The following PCM1 variants were observed in gnomAD, a reference collection of about 807,000 sequenced individuals.
The protein encoded by PCM1 is pericentriolar material 1 protein.
PCM1 carries 157 observed loss-of-function variants against 241.9 expected under a neutral mutation model. The ratio of observed to expected loss-of-function variants is 0.65; its 90% CI spans 0.57 to 0.74. The LOEUF is 0.74. PCM1 is among the 30% of genes least tolerant of loss of function. The pLI is 0.00. For missense variants in PCM1, 3,478 were observed against 2,360.1 expected (o/e 1.47, Z -9.81); for synonymous variants, 1,085 against 784.9 (o/e 1.38, Z -6.39).
chr8:18,012,402 C>CTAT (rs966180988), intron 34 of PCM1, among the ~76,000 whole-genome samples: 1 of 152,046 alleles, frequency 6.6e-6, no homozygotes, highest in African/African-American at 2.4e-5. Flanking sequence ...ATTAATTATT[C>CTAT]TATTATTAGT....
chr8:17,923,749 G>A (rs922210526), intron 1 of PCM1, among the ~76,000 whole-genome samples: 2 of 152,144 alleles, frequency 1.3e-5, no homozygotes, highest in Non-Finnish European at 2.9e-5. Context: ...GGGAGCCGAT[G>A]GGCCGGGGGA....
intron 6 of PCM1, among the ~76,000 whole-genome samples, chr8:17,944,275 C>G (rs563412651): frequency 2.0e-5 from 3 of 152,070 alleles, no homozygotes; most frequent in African/African-American, 7.2e-5. Flanking sequence ...GATAGTATGA[C>G]GTAAAGAAGA....
intron 9 of PCM1, 49 bp downstream of exon 9, chr8:17,953,235 T>C (rs770797779): frequency 1.2e-6 from 1 of 869,228 alleles, no homozygotes; most frequent in Non-Finnish European, 1.7e-6. Flanking sequence ...CACAAGTATA[T>C]ATACTGTCAC....
Position 17,955,562 on chromosome 8 carries a change from C to T in PCM1, c.1381C>T (p.Leu461Phe). Residue 461 changes from leucine to phenylalanine, a missense_variant, in exon 10 of 39, where the codon CTC becomes TTC. Leu to Phe is a conservative substitution (Grantham distance 22). Transcript: ENST00000325083. ...GGTTGTCAATGGAGAATCCAATAGC[C>T]TCACATCATCTGTTCCTTATCCTAC... The part of the protein sequence containing the change: ...APVVNGESNS[L>F]TSSVPYPTAS... 1 of 1,613,562 alleles carries T rather than the reference C, an allele frequency of 6.2e-7. No homozygotes were observed. The highest frequency in any genetic ancestry group is 8.5e-7 in the Non-Finnish European group (1 of 1,179,514).
chr8:18,025,182 G>A, intron 36 of PCM1, 179 bp from the exon 37 acceptor site: 1 of 122,098 alleles, frequency 8.2e-6, no homozygotes, highest in Non-Finnish European at 1.5e-5. Context: ...TTGACAGTAT[G>A]TTTCACAGCT....
chr8:17,973,865 T>C (rs1484735470), intron 23 of PCM1, among the ~76,000 whole-genome samples: 1 of 152,180 alleles, frequency 6.6e-6, no homozygotes, highest in Non-Finnish European at 1.5e-5. Flanking sequence ...AATCCTGTAG[T>C]AAGAAAATAC....
intron 17 of PCM1, among the ~76,000 whole-genome samples, chr8:17,963,575 TA>T (rs1293223546): frequency 1.3e-5 from 2 of 152,224 alleles, no homozygotes; most frequent in African/African-American, 4.8e-5. Context: ...GTTAAGTTTA[TA>T]AAAAGAAAAT....
At chr8:17,935,314 T>G (rs1167476981) in intron 2 of PCM1, among the ~76,000 whole-genome samples, 1 of 152,190 alleles carries the variant, frequency 6.6e-6, no homozygotes, top group East Asian at 1.9e-4. Flanking sequence ...CTGTGTTGAA[T>G]TAAGTAAGTA....
chr8:18,011,173 C>G lies in PCM1; in HGVS notation c.5221-64C>G, dbSNP rs972181289. On this transcript the variant is annotated intron_variant, in intron 32 of 38. Coordinates refer to ENST00000325083, the MANE Select transcript of PCM1 (RefSeq NM_006197.4). ...TAATGATCATTATTAATACGATAGA[C>G]TTACTATATACCTTTTACACATGTA... 35 of 1,115,628 alleles carry G rather than the reference C, an allele frequency of 3.1e-5. No individual in the cohort carries two copies. In the African/African-American group the frequency reaches 5.1e-4, roughly 16 times the overall value. The allele number at this position is 1,115,628 out of a possible 1,614,324, so 69.1% of individuals were successfully genotyped here.
intron 29 of PCM1, among the ~76,000 whole-genome samples, chr8:18,003,015 G>A (rs1020822749): frequency 2.0e-5 from 3 of 152,108 alleles, no homozygotes; most frequent in African/African-American, 7.2e-5. Flanking sequence ...TACCTGCATG[G>A]CTTGTTTTCT....
At position 17,999,957 on chromosome 8, in the gene PCM1, A is replaced by G. The variant is rs538674080; in HGVS notation, c.4828-6306A>G. Among the ~76,000 whole-genome samples, 323 of 152,320 alleles carry G rather than the reference A, an allele frequency of 2.1e-3. 3 individuals are homozygous for G. The highest frequency in any genetic ancestry group is 3.4e-3 in the Middle Eastern group (1 of 294). ...TTTGTTCTCATGGAGCTTGCATGCTAGAGTGGGAATACACTCTGAAATAAC... is the reference window on the plus strand; with the variant it reads ...TTTGTTCTCATGGAGCTTGCATGCTGGAGTGGGAATACACTCTGAAATAAC... On this transcript the variant is annotated intron_variant, in intron 29 of 38. Coordinates refer to ENST00000325083, the MANE Select transcript of PCM1 (RefSeq NM_006197.4).
chr8:18,005,603 A>T (rs1346493444), intron 29 of PCM1, among the ~76,000 whole-genome samples: 1 of 152,156 alleles, frequency 6.6e-6, no homozygotes, highest in Non-Finnish European at 1.5e-5. Flanking sequence ...GTTAACCATG[A>T]TTCATATTAT....
intron 7 of PCM1, 57 bp from the exon 8 acceptor site, chr8:17,950,558 G>T: frequency 1.2e-6 from 1 of 857,076 alleles, no homozygotes. Context: ...GCTTCTCAGA[G>T]ATTAAAAAAG....
rs1185626765 is a variant in PCM1 at position 17,991,552 on chromosome 8, G to C, written c.4542G>C (p.Val1514=). 1.3e-6 allele frequency: 2 copies of C among 1,600,006 alleles called. No individual in the cohort carries two copies. Among genetic ancestry groups the C allele is most frequent in the African/African-American group, 1.3e-5 (1 of 74,670 alleles). Residue 1514 remains valine (V), a synonymous_variant, in exon 28 of 39, where the codon GTG becomes GTC. Coordinates refer to ENST00000325083, the MANE Select transcript of PCM1 (RefSeq NM_006197.4). ...PFATDDLGNT[V]IHLDQALARM... is the part of the protein sequence containing the mutation. ...TTGTTCCAAATGTAGGTAACACCGT[G>C]ATTCACTTAGATCAAGCATTAGCCA...
At chr8:18,014,182 A>T in intron 35 of PCM1, 146 bp downstream of exon 35, 1 of 588,314 alleles carries the variant, frequency 1.7e-6, no homozygotes, top group Non-Finnish European at 3.0e-6. Context: ...TCTTCTCCCT[A>T]TAAATCCTTT....
At position 17,929,723 on chromosome 8, in the gene PCM1, A is replaced by G. The variant is rs1249692957; in HGVS notation, c.-23+4943A>G. Among the ~76,000 whole-genome samples the G allele has an allele frequency of 3.3e-5, 5 of 152,202 alleles. No homozygotes were observed. In the South Asian group the frequency reaches 8.3e-4, roughly 25 times the overall value. On this transcript the variant is annotated intron_variant, in intron 2 of 38. Coordinates refer to ENST00000325083, the MANE Select transcript of PCM1 (RefSeq NM_006197.4). Reference sequence around the variant, plus strand: ...CCCTATTCTGTGTGGGATACCTTCCAGAGACCCCCAGTGCATGCCTGAAAC... The same window carrying G: ...CCCTATTCTGTGTGGGATACCTTCCGGAGACCCCCAGTGCATGCCTGAAAC...
At position 18,011,313 on chromosome 8, in the gene PCM1, A is replaced by G. The variant is rs370857905; in HGVS notation, c.5297A>G (p.Asp1766Gly). The change falls in exon 33 of 39, where the codon GAT (aspartate) becomes GGT (glycine). Residue 1766 changes from aspartate (D) to glycine (G), a missense_variant. Asp to Gly is a moderately conservative substitution (Grantham distance 94). Transcript: ENST00000325083. ...VYDGPKNVRS[D>G]ISDQEEDEES... ...GATGGTCCCAAAAATGTAAGATCTG[A>G]TATTTCTGATCAAGAGGAAGATGAA... 161 of 1,607,424 alleles carry G rather than the reference A, an allele frequency of 1.0e-4. No individual in the cohort carries two copies. The highest frequency in any genetic ancestry group is 1.3e-4 in the Non-Finnish European group (150 of 1,177,240).
chr8:17,985,618 A>T lies in PCM1; in HGVS notation c.4280A>T (p.Gln1427Leu). The T allele has an allele frequency of 1.2e-6, 2 of 1,600,936 alleles. No homozygotes were observed. Among genetic ancestry groups the T allele is most frequent in the African/African-American group, 1.3e-5 (1 of 74,818 alleles). ...YLRQRALYALQDIVSRHISES... is the reference protein window; with the variant it reads ...YLRQRALYALLDIVSRHISES... ...AGACAGAGGGCTTTATATGCATTGC[A>T]GGTATCTGGTACCTAACATAATTTT... The change falls in exon 25 of 39, where the codon CAG (glutamine) becomes CTG (leucine). Residue 1427 changes from glutamine to leucine, a missense_variant and splice_region_variant. Transcript: ENST00000325083.
intron 24 of PCM1, among the ~76,000 whole-genome samples, chr8:17,982,876 TCATAA>T (rs1380345714): frequency 3.9e-5 from 6 of 152,362 alleles, no homozygotes; most frequent in Middle Eastern, 3.4e-3. Context: ...GTAACTGTAC[TCATAA>T]CATATGATTA....
Sources: allele counts gnomAD v4.1 joint callset (sites outside exome capture counted in the v4.1 genomes callset), GRCh38; gene constraint gnomAD v4.1.1; transcripts MANE v1.5; gene names NCBI Gene and HGNC (gene_info 2026-07-23, HGNC 2026-07-21).